Variants in UMODL1 observed in about 807,000 individuals in gnomAD.
UMODL1 encodes the protein uromodulin like 1, also known as uromodulin-like 1.
Under a neutral mutation model 136.3 loss-of-function variants are expected in UMODL1, and 128 were observed. The observed-to-expected ratio is 0.94, with a 90% CI of 0.81 to 1.09. UMODL1 has a LOEUF of 1.09. Among genes scored for constraint, UMODL1 ranks in the 50% least tolerant of loss-of-function variants. UMODL1 has a pLI of 0.00. For missense variants in UMODL1, 1,766 were observed against 1,725.6 expected, an observed-to-expected ratio of 1.02 and a Z score of -0.41; for synonymous variants, 721 against 720.0, an observed-to-expected ratio of 1.00 and a Z score of -0.02.
At chr21:42,065,440 G>T (rs190288346) in intron 1 of UMODL1, among the ~76,000 whole-genome samples, 80 of 152,284 alleles carry the variant, frequency 5.3e-4, no homozygotes, top group African/African-American at 1.9e-3. Context: ...GTCACGAAAT[G>T]CTGGTGCAGG....
chr21:42,068,277 G>A (rs1293959988), upstream of UMODL1, among the ~76,000 whole-genome samples: 3 of 152,202 alleles, frequency 2.0e-5, no homozygotes, highest in Admixed American at 1.3e-4. This position sits in a 1 kb window ranked among gnomAD's most constrained non-coding sequence, Gnocchi z 5.5. Flanking sequence ...TGAGTCACCC[G>A]GATGCCGGGG....
Position 42,118,973 on chromosome 21 carries a change from C to T in UMODL1, c.2476-138C>T, listed in dbSNP as rs939236297. 2.8e-5 allele frequency: 22 copies of T among 793,842 alleles called. No homozygotes were observed. In the African/African-American group the frequency reaches 3.8e-4, roughly 14 times the overall value. The allele number at this position is 793,842 out of a possible 1,614,324, so 49.2% of individuals were successfully genotyped here. ...AAACACAGCAGACAGGAAAGGGGCC[C>T]AGAACCAACCTGTGGCTTTTACTTT... is the stretch of plus-strand genomic sequence containing the variant. On this transcript the variant is annotated intron_variant, in intron 14 of 22. Transcript: ENST00000408910.
chr21:42,090,205 C>A, intron 5 of UMODL1, 93 bp from the exon 6 acceptor site: 1 of 1,547,276 alleles, frequency 6.5e-7, no homozygotes. Flanking sequence ...AAATCCGTGG[C>A]ACGAGTCCAC....
chr21:42,127,133 G>A lies in UMODL1; in HGVS notation c.3421G>A (p.Val1141Met). The A allele has an allele frequency of 1.9e-6, 3 of 1,614,210 alleles. No homozygotes were observed. Among genetic ancestry groups the A allele is most frequent in the African/African-American group, 1.3e-5 (1 of 75,046 alleles). ...TGCCAGTGACGATGTCAGGATCGAAGTGGGGCTCTACAGGCAGAAAAGCAA... is the reference window on the plus strand; with the variant it reads ...TGCCAGTGACGATGTCAGGATCGAAATGGGGCTCTACAGGCAGAAAAGCAA... ...VSASDDVRIE[V>M]GLYRQKSNLK... is the part of the protein sequence containing the mutation. Residue 1141 changes from valine (V) to methionine (M), a missense_variant, in exon 19 of 23, where the codon GTG becomes ATG. Coordinates refer to ENST00000408910, the MANE Select transcript of UMODL1 (RefSeq NM_001004416.3).
intron 2 of UMODL1, among the ~76,000 whole-genome samples, chr21:42,078,994 A>G (rs76645292): frequency 0.049 from 7,464 of 152,302 alleles, 638 homozygotes; most frequent in African/African-American, 0.17. Context: ...CCATTAGGAC[A>G]CAGGTGCTGG....
chr21:42,080,201 T>G (rs1382040810), intron 2 of UMODL1, among the ~76,000 whole-genome samples: 1 of 152,224 alleles, frequency 6.6e-6, no homozygotes, highest in African/African-American at 2.4e-5. Flanking sequence ...GTTGGCTCCT[T>G]GGAGCTGGAT....
At chr21:42,104,408 A>G (rs2066684429) in intron 9 of UMODL1, among the ~76,000 whole-genome samples, 1 of 149,762 alleles carries the variant, frequency 6.7e-6, no homozygotes, top group Admixed American at 6.6e-5. Flanking sequence ...CTGTGGGTCT[A>G]TTTCTTTTCT....
chr21:42,128,029 T>A (rs1407710576), intron 20 of UMODL1, 198 bp downstream of exon 20: 2 of 714,228 alleles, frequency 2.8e-6, no homozygotes, highest in East Asian at 3.0e-5. Flanking sequence ...AGGACTCATG[T>A]GGACTGGTGG....
chr21:42,137,060 C>T (rs1459663557), intron 21 of UMODL1, among the ~76,000 whole-genome samples: 4 of 152,210 alleles, frequency 2.6e-5, no homozygotes, highest in Admixed American at 1.3e-4. Flanking sequence ...CCAGCCTGCA[C>T]TCTCTATTTT....
intron 4 of UMODL1, among the ~76,000 whole-genome samples, chr21:42,086,310 G>A (rs1047250643): frequency 6.6e-6 from 1 of 152,240 alleles, no homozygotes; most frequent in African/African-American, 2.4e-5. Context: ...GCTGTTCTGT[G>A]CTTCAGATCT....
chr21:42,127,080 C>G lies in UMODL1; in HGVS notation c.3368C>G (p.Ser1123Cys). 1 of 1,614,194 alleles carries G rather than the reference C, an allele frequency of 6.2e-7. No individual in the cohort carries two copies. The highest frequency in any genetic ancestry group is 8.5e-7 in the Non-Finnish European group (1 of 1,180,050). Reference protein sequence around the residue: ...VTEMQLFIGDSPIPQNYSVSA... With the variant: ...VTEMQLFIGDCPIPQNYSVSA... ...GAAATGCAGTTGTTTATCGGAGACT[C>G]TCCCATACCTCAGAATTATAGCGTG... Residue 1123 changes from serine to cysteine, a missense_variant, in exon 19 of 23, where the codon TCT becomes TGT. By Grantham distance (112) the Ser-to-Cys change is moderately radical. Coordinates refer to ENST00000408910, the MANE Select transcript of UMODL1 (RefSeq NM_001004416.3).
chr21:42,125,383 C>G (rs530701977), intron 17 of UMODL1, among the ~76,000 whole-genome samples: 1 of 152,088 alleles, frequency 6.6e-6, no homozygotes, highest in African/African-American at 2.4e-5. Flanking sequence ...GTGGACGCGT[C>G]GGAGGCCATT....
chr21:42,135,879 C>T (rs141510234), intron 21 of UMODL1, among the ~76,000 whole-genome samples: 1 of 152,244 alleles, frequency 6.6e-6, no homozygotes, highest in East Asian at 1.9e-4. Flanking sequence ...CCATGCTGTT[C>T]CCTGGGGGAC....
chr21:42,081,982 A>C (rs996554083), intron 2 of UMODL1, among the ~76,000 whole-genome samples: 1 of 152,110 alleles, frequency 6.6e-6, no homozygotes, highest in Non-Finnish European at 1.5e-5. Flanking sequence ...AGCTGCACCC[A>C]ACGTTCATTT....
chr21:42,142,377 G>A lies in UMODL1; in HGVS notation c.*303G>A, dbSNP rs1437141480. ...GGCTGCGGAAGACGGGGGCAGTCCT[G>A]GGGGTGCTGCGGCTACACCACCACC... is the stretch of plus-strand genomic sequence containing the variant. On this transcript the variant is annotated 3_prime_UTR_variant, in exon 23 of 23. Coordinates refer to ENST00000408910, the MANE Select transcript of UMODL1 (RefSeq NM_001004416.3). 1.3e-5 allele frequency: 2 copies of A among 152,316 alleles called. No homozygotes were observed. The highest frequency in any genetic ancestry group is 4.8e-5 in the African/African-American group (2 of 41,452). 9.4% of individuals were successfully genotyped at this position (152,316 alleles called of 1,614,324 possible).
At position 42,128,054 on chromosome 21, in the gene UMODL1, T is replaced by G; in HGVS notation, c.3690+223T>G. 3 of 658,798 alleles carry G rather than the reference T, an allele frequency of 4.6e-6. 1 individual carries two copies. Among genetic ancestry groups the G allele is most frequent in the South Asian group, 4.5e-5 (3 of 66,506 alleles). 40.8% of individuals were successfully genotyped at this position (658,798 alleles called of 1,614,324 possible). A position where few individuals can be genotyped will look rare whatever the true frequency, so the allele number is the denominator to read the frequency against. ...TGGACTGGTGGGCATTTCCCATTTC[T>G]CAATGGCTGAGCTGAGTTCCTTCTT... On this transcript the variant is annotated intron_variant, in intron 20 of 22. Transcript: ENST00000408910.
intron 2 of UMODL1, among the ~76,000 whole-genome samples, chr21:42,081,316 C>G (rs1274333357): frequency 6.6e-6 from 1 of 152,204 alleles, no homozygotes; most frequent in East Asian, 1.9e-4. Context: ...GCCCTGGGAG[C>G]CTTGGGTTTT....
intron 10 of UMODL1, 135 bp downstream of exon 10, chr21:42,109,834 T>C: frequency 1.1e-6 from 1 of 938,096 alleles, no homozygotes; most frequent in Non-Finnish European, 1.5e-6. Context: ...AATGTTTTCA[T>C]TTCAATTTAT....
At position 42,098,952 on chromosome 21, in the gene UMODL1, G is replaced by T; in HGVS notation, c.958G>T (p.Val320Phe). 1 of 1,614,154 alleles carries T rather than the reference G, an allele frequency of 6.2e-7. No individual in the cohort carries two copies. The highest frequency in any genetic ancestry group is 1.3e-5 in the African/African-American group (1 of 75,022). ...TTGTCCTCCAGTCAGTGACTACGTG[G>T]TCCTCAACGTCACCAGTGACAGTTT... Reference protein sequence around the residue: ...EDCPPVSDYVVLNVTSDSFQV... With the variant: ...EDCPPVSDYVFLNVTSDSFQV... Residue 320 changes from valine (V) to phenylalanine (F), a missense_variant, in exon 7 of 23, where the codon GTC becomes TTC. Physicochemically the swap from Val to Phe is conservative, Grantham distance 50. Coordinates refer to ENST00000408910, the MANE Select transcript of UMODL1 (RefSeq NM_001004416.3).
Sources: allele counts gnomAD v4.1 joint callset (sites outside exome capture counted in the v4.1 genomes callset), GRCh38; gene constraint gnomAD v4.1.1; non-coding constraint Gnocchi (gnomAD v3.1); transcripts MANE v1.5; gene names NCBI Gene and HGNC (gene_info 2026-07-23, HGNC 2026-07-21).